Variants in ZBTB7C observed in about 807,000 individuals in gnomAD.
ZBTB7C encodes the protein zinc finger and BTB domain-containing protein 7C.
Under a neutral mutation model 25.7 loss-of-function variants are expected in ZBTB7C, and 8 were observed. The observed-to-expected ratio is 0.31, with a 90% confidence interval of 0.18 to 0.56. The LOEUF is 0.56. ZBTB7C is among the 20% of genes least tolerant of loss of function. The pLI, the probability that ZBTB7C is intolerant of heterozygous loss-of-function variation, is 0.91. For synonymous variants in ZBTB7C, 394 were observed against 369.0 expected (o/e 1.07, Z -0.78); for missense variants, 824 against 855.2 (o/e 0.96, Z 0.46).
intron 3 of ZBTB7C, chr18:48,165,061 C>G: frequency 7.9e-7 from 1 of 1,260,188 alleles, no homozygotes; most frequent in Admixed American, 2.5e-5. Context: ...AGAGGTAGAT[C>G]ACCTTGTGCT....
intron 2 of ZBTB7C, among the ~76,000 whole-genome samples, chr18:48,331,736 G>C (rs1023856315): frequency 2.0e-5 from 3 of 152,070 alleles, no homozygotes; most frequent in Non-Finnish European, 4.4e-5. Flanking sequence ...TCACTTTCCC[G>C]AAGGGTAAAC....
In ZBTB7C at chr18:48,063,727, G is replaced by A. The variant is rs145713224; in HGVS notation, c.-16-22604C>T. 1.2e-4 allele frequency among the ~76,000 whole-genome samples: 18 copies of A among 152,304 alleles called. No homozygotes were observed. The East Asian group carries it at 3.5e-3, about 29-fold the overall frequency. ...GGCAGAGATGTCTTGAGAGGTGTAT[G>A]GGGCTATGGGGATTATGTGGTTAAT... On this transcript the variant is annotated intron_variant, in intron 3 of 4. Transcript: ENST00000590800.
chr18:48,187,385 G>C (rs192076957), intron 2 of ZBTB7C, among the ~76,000 whole-genome samples: 73 of 152,276 alleles, frequency 4.8e-4, no homozygotes, highest in Non-Finnish European at 7.3e-4. Context: ...TAAAGTGGAA[G>C]GAAATTCGGA....
chr18:48,227,945 A>G (rs1209055796), intron 2 of ZBTB7C, among the ~76,000 whole-genome samples: 2 of 152,150 alleles, frequency 1.3e-5, no homozygotes, highest in African/African-American at 2.4e-5. Context: ...TTCTCATTCC[A>G]TATGAAAAGT....
chr18:48,180,148 T>TTCCTTCCTTCCTTCCTTCCTTCC (rs1568282872), intron 3 of ZBTB7C, among the ~76,000 whole-genome samples: 7 of 35,646 alleles, frequency 2.0e-4, no homozygotes, highest in Non-Finnish European at 3.3e-4. Context: ...TCCTTCCTTC[T>TTCCTTCCTTCCTTCCTTCCTTCC]TTCCCTCCCT....
At chr18:48,369,997 T>C (rs2047348634) in intron 1 of ZBTB7C, among the ~76,000 whole-genome samples, 1 of 152,116 alleles carries the variant, frequency 6.6e-6, no homozygotes, top group Non-Finnish European at 1.5e-5. Context: ...TCCTGGGCCA[T>C]AAAACAAACC....
intron 2 of ZBTB7C, among the ~76,000 whole-genome samples, chr18:48,247,322 G>A (rs886560338): frequency 3.9e-5 from 6 of 151,972 alleles, no homozygotes; most frequent in South Asian, 4.2e-4. Flanking sequence ...TAAAAACAAC[G>A]ACAGAAAAGA....
chr18:48,385,133 A>T (rs1277486290), intron 1 of ZBTB7C, among the ~76,000 whole-genome samples: 1 of 152,176 alleles, frequency 6.6e-6, no homozygotes, highest in Non-Finnish European at 1.5e-5. Context: ...GACATACCCA[A>T]ATGCACCCAC....
intron 1 of ZBTB7C, among the ~76,000 whole-genome samples, chr18:48,397,749 T>C (rs1036984536): frequency 6.6e-6 from 1 of 152,208 alleles, no homozygotes; most frequent in African/African-American, 2.4e-5. Context: ...CTACACTATG[T>C]CATTTAGCTC....
chr18:48,380,150 A>G (rs1010653650), intron 1 of ZBTB7C, among the ~76,000 whole-genome samples: 1 of 152,206 alleles, frequency 6.6e-6, no homozygotes, highest in African/African-American at 2.4e-5. Context: ...TATTAGAAAT[A>G]TATGAAACAA....
intron 2 of ZBTB7C, among the ~76,000 whole-genome samples, chr18:48,286,179 T>C (rs1294093950): frequency 6.6e-6 from 1 of 152,100 alleles, no homozygotes; most frequent in Non-Finnish European, 1.5e-5. Flanking sequence ...AAATATCATT[T>C]TATCAGGGTA....
chr18:48,072,356 C>T (rs1598824522), intron 3 of ZBTB7C: 2 of 152,206 alleles, frequency 1.3e-5, no homozygotes, highest in Non-Finnish European at 2.9e-5. Context: ...TGAAGCCTGG[C>T]GCTCAGGGCC....
At chr18:48,334,230 G>A (rs1293788713) in intron 2 of ZBTB7C, among the ~76,000 whole-genome samples, 1 of 152,190 alleles carries the variant, frequency 6.6e-6, no homozygotes, top group East Asian at 1.9e-4. Context: ...CTGAGGGAAA[G>A]TAAAGATGTC....
chr18:48,313,322 G>A (rs2045866944), intron 2 of ZBTB7C, among the ~76,000 whole-genome samples: 2 of 152,200 alleles, frequency 1.3e-5, no homozygotes, highest in Admixed American at 1.3e-4. Flanking sequence ...GCCAGCAAGT[G>A]CAGACAGAAG....
intron 2 of ZBTB7C, among the ~76,000 whole-genome samples, chr18:48,263,002 C>T (rs757016138): frequency 6.6e-6 from 1 of 152,246 alleles, no homozygotes; most frequent in Admixed American, 6.5e-5. Context: ...GGGTAACCTG[C>T]ACCTGGCCTG....
At chr18:48,338,445 C>G (rs1006142667) in intron 1 of ZBTB7C, 47 bp from the exon 2 acceptor site, 1 of 152,342 alleles carries the variant, frequency 6.6e-6, no homozygotes, top group Non-Finnish European at 1.5e-5. Context: ...GCCAGAAACA[C>G]ATGTCCAGGT....
At chr18:48,094,841 C>T (rs181085631) in intron 3 of ZBTB7C, among the ~76,000 whole-genome samples, 38 of 152,112 alleles carry the variant, frequency 2.5e-4, no homozygotes, top group East Asian at 7.7e-4. Flanking sequence ...CACTTTGAAA[C>T]GAAAAAGGGA....
intron 1 of ZBTB7C, among the ~76,000 whole-genome samples, chr18:48,404,430 G>A (rs2048230975): frequency 6.6e-6 from 1 of 152,218 alleles, no homozygotes; most frequent in South Asian, 2.1e-4. Flanking sequence ...GGGGAGGTCA[G>A]AGACGCAGAC....
intron 3 of ZBTB7C, among the ~76,000 whole-genome samples, chr18:48,162,780 G>A (rs1259551119): frequency 6.6e-6 from 1 of 152,198 alleles, no homozygotes; most frequent in Admixed American, 6.5e-5. Flanking sequence ...TACAGGGAGT[G>A]CCCAGGGCAG....
Sources: gnomAD v4.1 joint callset for allele counts (sites outside exome capture counted in the v4.1 genomes callset) on GRCh38, gnomAD v4.1.1 for gene constraint, MANE v1.5 for transcripts, NCBI Gene and HGNC (gene_info 2026-07-23, HGNC 2026-07-21) for gene names.